Variants in TRIM27 observed in about 807,000 individuals in gnomAD.
TRIM27 encodes tripartite motif containing 27, also known as zinc finger protein RFP.
Under a neutral mutation model 57.6 loss-of-function variants are expected in TRIM27, and 12 were observed. The observed-to-expected ratio is 0.21, with a 90% confidence interval of 0.13 to 0.34. The LOEUF (loss-of-function observed/expected upper bound fraction) is 0.34, where lower values mean the gene tolerates loss of function less well. TRIM27 is among the 10% of genes least tolerant of loss of function. The pLI is 1.00. For missense variants in TRIM27, 403 were observed against 656.8 expected (o/e 0.61, Z 4.22); for synonymous variants, 266 against 259.0 (o/e 1.03, Z -0.26).
rs112802305 is a variant in TRIM27 at position 28,923,692 on chromosome 6, C to T, written c.-60G>A. 9.4e-5 allele frequency: 136 copies of T among 1,440,340 alleles called. 1 individual carries two copies. The highest frequency in any genetic ancestry group is 1.9e-4 in the Admixed American group (7 of 37,028). 89.2% of individuals were successfully genotyped at this position (1,440,340 alleles called of 1,614,324 possible). ...CCGGCGCCGAGCTCTGCACTGAGCC[C>T]AACTCTCCGGCGCTCTCTCCGGTTC... On this transcript the variant is annotated 5_prime_UTR_variant, in exon 1 of 8. Transcript: ENST00000377199.
At chr6:28,912,144 G>A (rs1581497864) in intron 3 of TRIM27, among the ~76,000 whole-genome samples, 2 of 138,430 alleles carry the variant, frequency 1.4e-5, no homozygotes, top group Non-Finnish European at 3.0e-5. Context: ...GTCTCGCTCT[G>A]TGTAGCCCAG....
rs1283854733 is a variant in TRIM27 at position 28,907,226 on chromosome 6, C to T, written c.946+10G>A. 4 of 1,609,466 alleles carry T rather than the reference C, an allele frequency of 2.5e-6. No individual in the cohort carries two copies. In the African/African-American group the frequency reaches 5.4e-5, roughly 22 times the overall value. On this transcript the variant is annotated intron_variant, in intron 7 of 7. Transcript: ENST00000377199. ...CTTACCCTAATATGGTTTTGTCTCT[C>T]ATCACCTACCTGAGTATAACTGAGC...
At position 28,920,000 on chromosome 6, in the gene TRIM27, T is replaced by TG; in HGVS notation, c.747+11dup. The TG allele has an allele frequency of 1.2e-6, 2 of 1,608,702 alleles. No individual in the cohort carries two copies. The highest frequency in any genetic ancestry group is 1.3e-5 in the African/African-American group (1 of 75,010). On this transcript the variant is annotated intron_variant, in intron 3 of 7. Transcript: ENST00000377199. ...AGTGGGTGCTGCTCTAGCAGGGCTC[T>TG]GCAAGCCTTACCTGCAGGAGCTCCC...
At chr6:28,907,826 T>G (rs1772882300) in intron 6 of TRIM27, 1 of 345,710 alleles carries the variant, frequency 2.9e-6, no homozygotes, top group Admixed American at 4.0e-5. Context: ...ATCCACTGTA[T>G]TGAGTGGAGT....
chr6:28,915,208 T>A (rs1360354201), intron 3 of TRIM27: 1 of 151,182 alleles, frequency 6.6e-6, no homozygotes, highest in Non-Finnish European at 1.5e-5. Context: ...CCTCCTCCCT[T>A]ACTGAGTCCA....
chr6:28,910,123 G>GAAAAAAAAAAAAAAAAAAAAAGAAAAAAA (rs9278120), intron 4 of TRIM27, among the ~76,000 whole-genome samples: 1 of 97,620 alleles, frequency 1.0e-5, no homozygotes. Flanking sequence ...AAAGAAAAAT[G>GAAAAAAAAAAAAAAAAAAAAAGAAAAAAA]AAAAAAAAAA....
At chr6:28,918,659 C>T (rs903691594) in intron 3 of TRIM27, among the ~76,000 whole-genome samples, 4 of 152,124 alleles carry the variant, frequency 2.6e-5, no homozygotes, top group Admixed American at 1.3e-4. Flanking sequence ...GGGCAGATCA[C>T]GAGGTCAGGA....
intron 3 of TRIM27, 64 bp from the exon 4 acceptor site, chr6:28,911,782 G>A (rs1773227343): frequency 6.4e-7 from 1 of 1,556,496 alleles, no homozygotes; most frequent in Non-Finnish European, 8.8e-7. Context: ...TTCTTTCACA[G>A]ATGTTTGTTG....
At chr6:28,918,613 C>T (rs367561544) in intron 3 of TRIM27, among the ~76,000 whole-genome samples, 4 of 152,162 alleles carry the variant, frequency 2.6e-5, no homozygotes, top group Non-Finnish European at 5.9e-5. Context: ...CGCTGTGGCT[C>T]ACACTTGTAA....
chr6:28,923,335 G>A lies in TRIM27; in HGVS notation c.298C>T (p.Arg100Cys), dbSNP rs1774199907. ...GGEMGVCEKH[R>C]EPLKLYCEED... is the part of the protein sequence containing the mutation. ...TCGCAGTACAGCTTCAGGGGCTCGC[G>A]GTGCTTCTCGCACACGCCCATCTCG... The change falls in exon 1 of 8, where the codon CGC becomes TGC. Residue 100 changes from arginine to cysteine, a missense_variant. By Grantham distance (180) the Arg-to-Cys change is radical (BLOSUM62 -3). Coordinates refer to ENST00000377199, the MANE Select transcript of TRIM27 (RefSeq NM_006510.5). 6.2e-7 allele frequency: 1 copy of A among 1,611,944 alleles called. No homozygotes were observed. Among genetic ancestry groups the A allele is most frequent in the Non-Finnish European group, 8.5e-7 (1 of 1,179,714 alleles).
chr6:28,907,376 A>T, intron 6 of TRIM27, 114 bp from the exon 7 acceptor site: 1 of 1,014,784 alleles, frequency 9.9e-7, no homozygotes. Context: ...GAAACCCCAG[A>T]ACCTCTGTTG....
At chr6:28,921,868 A>G in intron 2 of TRIM27, 24 bp downstream of exon 2, 1 of 1,586,750 alleles carries the variant, frequency 6.3e-7, no homozygotes, top group Non-Finnish European at 8.6e-7. Flanking sequence ...AGCAGAACCA[A>G]CTGTGAATTC....
chr6:28,910,134 A>AAAAAAAAAAAAAAAG, intron 4 of TRIM27, among the ~76,000 whole-genome samples: 1 of 151,528 alleles, frequency 6.6e-6, no homozygotes. Flanking sequence ...AAAAAAAAAA[A>AAAAAAAAAAAAAAAG]AAAAAAAAAA....
At chr6:28,916,073 C>T (rs920856339) in intron 3 of TRIM27, among the ~76,000 whole-genome samples, 2 of 151,970 alleles carry the variant, frequency 1.3e-5, no homozygotes, top group Non-Finnish European at 2.9e-5. Context: ...TGCGCCACCA[C>T]GCCTGGCTAA....
At position 28,903,456 on chromosome 6, in the gene TRIM27, C is replaced by G; in HGVS notation, c.*614G>C. ...ACAAAGGCAGAGACATTGATTAGAA[C>G]ATTATCTCATAACAGAGGTGGGGCC... On this transcript the variant is annotated 3_prime_UTR_variant, in exon 8 of 8. Coordinates refer to ENST00000377199, the MANE Select transcript of TRIM27 (RefSeq NM_006510.5). The G allele has an allele frequency of 4.3e-6, 1 of 233,530 alleles. No individual in the cohort carries two copies. The highest frequency in any genetic ancestry group is 8.5e-6 in the Non-Finnish European group (1 of 118,268). The allele number at this position is 233,530 out of a possible 1,614,324, so 14.5% of individuals were successfully genotyped here. A position where few individuals can be genotyped will look rare whatever the true frequency, so the allele number is the denominator to read the frequency against.
intron 3 of TRIM27, among the ~76,000 whole-genome samples, chr6:28,914,588 G>GC (rs1396723734): frequency 9.8e-6 from 1 of 101,828 alleles, no homozygotes; most frequent in Admixed American, 1.2e-4. Context: ...GGGTGGGGGG[G>GC]GGGGGATGAG....
chr6:28,910,668 A>G (rs1773135545), intron 4 of TRIM27, among the ~76,000 whole-genome samples: 1 of 152,192 alleles, frequency 6.6e-6, no homozygotes, highest in African/African-American at 2.4e-5. Context: ...TTAAGCCAAT[A>G]AAATTTTGGG....
rs1165119292 is a variant in TRIM27 at position 28,920,026 on chromosome 6, T to C, written c.733A>G (p.Arg245Gly). 2 of 1,612,986 alleles carry C rather than the reference T, an allele frequency of 1.2e-6. No homozygotes were observed. Among genetic ancestry groups the C allele is most frequent in the Non-Finnish European group, 1.7e-6 (2 of 1,179,724 alleles). The change falls in exon 3 of 8, where the codon AGG becomes GGG. Residue 245 changes from arginine (R) to glycine (G), a missense_variant. Transcript: ENST00000377199. ...GCAAGCCTTACCTGCAGGAGCTCCC[T>C]GGTGGGCTGCTGCTGCTTCTCTTCT... ...QLEEKQQQPT[R>G]ELLQDIGDTL...
At chr6:28,921,852 A>G (rs1421060221) in intron 2 of TRIM27, 40 bp downstream of exon 2, 1 of 1,489,626 alleles carries the variant, frequency 6.7e-7, no homozygotes, top group Non-Finnish European at 9.4e-7. Context: ...AGAAGAGGAG[A>G]GCACCAGCAG....
Sources: gnomAD v4.1 joint callset for allele counts (sites outside exome capture counted in the v4.1 genomes callset) on GRCh38, gnomAD v4.1.1 for gene constraint, MANE v1.5 for transcripts, NCBI Gene and HGNC (gene_info 2026-07-23, HGNC 2026-07-21) for gene names.